Variants in CDH7 observed in about 807,000 individuals in gnomAD.
The protein encoded by CDH7 is cadherin-7.
Under a neutral mutation model 71.8 loss-of-function variants are expected in CDH7, and 25 were observed. The observed-to-expected ratio is 0.35, with a 90% CI of 0.25 to 0.49. CDH7 has a LOEUF of 0.49. CDH7 is among the 20% of genes least tolerant of loss of function. The probability of loss-of-function intolerance (pLI) is 0.99; values close to 1 mark genes in which losing one functional copy is unlikely to be tolerated. For missense variants in CDH7, 862 were observed against 974.6 expected (o/e 0.88, Z 1.54); for synonymous variants, 381 against 363.8 (o/e 1.05, Z -0.54).
At chr18:65,776,295 A>C (rs886545117) in intron 2 of CDH7, among the ~76,000 whole-genome samples, 6 of 152,064 alleles carry the variant, frequency 3.9e-5, no homozygotes, top group Middle Eastern at 3.4e-3. Context: ...TTACATATTC[A>C]GAATCAAATC....
intron 6 of CDH7, among the ~76,000 whole-genome samples, chr18:65,842,226 A>G (rs762204087): frequency 1.1e-4 from 16 of 151,882 alleles, no homozygotes; most frequent in South Asian, 2.1e-4. Context: ...ATTTATTGAG[A>G]CTCCCCTATG....
intron 2 of CDH7, among the ~76,000 whole-genome samples, chr18:65,766,301 CTCTT>C (rs773639633): frequency 6.6e-6 from 1 of 152,094 alleles, no homozygotes; most frequent in East Asian, 1.9e-4. Context: ...AATTAAATGA[CTCTT>C]CAGTCAATAA....
At chr18:65,782,757 A>AT (rs1391632112) in intron 2 of CDH7, among the ~76,000 whole-genome samples, 1 of 152,170 alleles carries the variant, frequency 6.6e-6, no homozygotes, top group African/African-American at 2.4e-5. Flanking sequence ...TATACTATTG[A>AT]TTCATTAACA....
At chr18:65,811,200 A>G (rs1911522346) in intron 3 of CDH7, among the ~76,000 whole-genome samples, 1 of 149,286 alleles carries the variant, frequency 6.7e-6, no homozygotes, top group Admixed American at 6.7e-5. Context: ...AAAAAAAAAA[A>G]AGGTCATTTC....
intron 7 of CDH7, among the ~76,000 whole-genome samples, chr18:65,845,102 ATGT>A (rs1461227482): frequency 2.7e-5 from 4 of 150,474 alleles, no homozygotes; most frequent in African/African-American, 1.0e-4. Context: ...AAAGCCGATA[ATGT>A]TGTTTCTTTC....
chr18:65,830,557 C>G, intron 6 of CDH7, among the ~76,000 whole-genome samples: 1 of 150,246 alleles, frequency 6.7e-6, no homozygotes, highest in Non-Finnish European at 1.5e-5. Flanking sequence ...TTCCTTCTTT[C>G]CTTCCTCTCT....
chr18:65,807,983 G>GGATGT (rs894191659), intron 2 of CDH7, among the ~76,000 whole-genome samples: 9 of 152,162 alleles, frequency 5.9e-5, no homozygotes, highest in African/African-American at 2.2e-4. Context: ...TAGGGAGTGG[G>GGATGT]GATGTGGGCT....
rs34051231 is a variant in CDH7 at position 65,779,257 on chromosome 18, C to CTTTT, written c.210+16220_210+16223dup. 4.2e-3 allele frequency among the ~76,000 whole-genome samples: 308 copies of CTTTT among 72,866 alleles called. 17 individuals are homozygous for CTTTT. The highest frequency in any genetic ancestry group is 0.011 in the East Asian group (24 of 2,136). 47.8% of individuals were successfully genotyped at this position (72,866 alleles called of 152,430 possible). On this transcript the variant is annotated intron_variant, in intron 2 of 11. Coordinates refer to ENST00000397968, the MANE Select transcript of CDH7 (RefSeq NM_004361.5). ...TGGAGCCATAAGAATAGAAAACATT[C>CTTTT]TTTTTTTTTTTTTTTTTTCAGTCAT... is the stretch of plus-strand genomic sequence containing the variant.
chr18:65,828,111 C>G (rs1021371057), intron 6 of CDH7, among the ~76,000 whole-genome samples: 16 of 151,540 alleles, frequency 1.1e-4, no homozygotes, highest in African/African-American at 3.9e-4. Flanking sequence ...TTCCAAAGCT[C>G]CCTCCACCTC....
At chr18:65,824,319 T>A (rs1005471521) in intron 5 of CDH7, among the ~76,000 whole-genome samples, 1 of 151,906 alleles carries the variant, frequency 6.6e-6, no homozygotes, top group Non-Finnish European at 1.5e-5. Flanking sequence ...CATTTACTAA[T>A]TGTATATCAA....
rs563364143 is a variant in CDH7, at chr18:65,813,020, A to G, written c.506-1465A>G. Reference sequence around the variant, plus strand: ...CCCCACCAGACATCCACAGGGCACAATCATCTAAGTCCATAAAATAAAAAA... The same window carrying G: ...CCCCACCAGACATCCACAGGGCACAGTCATCTAAGTCCATAAAATAAAAAA... On this transcript the variant is annotated intron_variant, in intron 3 of 11. Coordinates refer to ENST00000397968, the MANE Select transcript of CDH7 (RefSeq NM_004361.5). 2.0e-5 allele frequency among the ~76,000 whole-genome samples: 3 copies of G among 152,314 alleles called. No individual in the cohort carries two copies. In the East Asian group the frequency reaches 5.8e-4, roughly 29 times the overall value.
chr18:65,801,867 G>A (rs897770423), intron 2 of CDH7, among the ~76,000 whole-genome samples: 1 of 152,166 alleles, frequency 6.6e-6, no homozygotes, highest in African/African-American at 2.4e-5. Context: ...AGCTGTTATT[G>A]TTGGTATTTT....
intron 7 of CDH7, among the ~76,000 whole-genome samples, chr18:65,855,400 A>T (rs1244473799): frequency 6.6e-6 from 1 of 151,890 alleles, no homozygotes; most frequent in African/African-American, 2.4e-5. Flanking sequence ...AAAAGAGGAG[A>T]TGTTACACAC....
At chr18:65,856,343 A>T (rs1304764501) in intron 7 of CDH7, among the ~76,000 whole-genome samples, 1 of 152,208 alleles carries the variant, frequency 6.6e-6, no homozygotes, top group Non-Finnish European at 1.5e-5. Flanking sequence ...CACAGGAGTA[A>T]TAATAATGAG....
chr18:65,787,673 C>T (rs1187212499), intron 2 of CDH7, among the ~76,000 whole-genome samples: 1 of 152,166 alleles, frequency 6.6e-6, no homozygotes, highest in Non-Finnish European at 1.5e-5. Context: ...TAAGGCAGAG[C>T]TGTGATTACT....
At chr18:65,852,805 T>A (rs1043347666) in intron 7 of CDH7, among the ~76,000 whole-genome samples, 1 of 152,186 alleles carries the variant, frequency 6.6e-6, no homozygotes, top group Non-Finnish European at 1.5e-5. Context: ...AAATGGAAGT[T>A]TCTGCCACAT....
intron 4 of CDH7, among the ~76,000 whole-genome samples, chr18:65,816,998 T>C (rs533770429): frequency 2.0e-5 from 3 of 152,312 alleles, no homozygotes; most frequent in African/African-American, 7.2e-5. Flanking sequence ...GAGGACTGGC[T>C]ACCTAATTCG....
chr18:65,822,022 T>C, intron 4 of CDH7, 59 bp from the exon 5 acceptor site: 1 of 1,317,726 alleles, frequency 7.6e-7, no homozygotes, highest in Non-Finnish European at 1.1e-6. Context: ...ATCAGTATTC[T>C]TTGTTAGTAT....
chr18:65,861,626 A>G (rs1913569215), intron 10 of CDH7, among the ~76,000 whole-genome samples: 1 of 151,962 alleles, frequency 6.6e-6, no homozygotes, highest in Non-Finnish European at 1.5e-5. Context: ...TGAAAATCAA[A>G]CTGTTTTATT....
Sources: allele counts gnomAD v4.1 joint callset (sites outside exome capture counted in the v4.1 genomes callset), GRCh38; gene constraint gnomAD v4.1.1; transcripts MANE v1.5; gene names NCBI Gene and HGNC (gene_info 2026-07-23, HGNC 2026-07-21).